Variants in UBAP2 observed in about 807,000 individuals in gnomAD.
The protein encoded by UBAP2 is ubiquitin associated protein 2.
UBAP2 carries 75 observed loss-of-function variants against 139.6 expected under a neutral mutation model. The observed-to-expected ratio is 0.54, with a 90% CI of 0.45 to 0.65. UBAP2 has a LOEUF of 0.65. UBAP2 is among the 30% of genes least tolerant of loss of function. The pLI, the probability that UBAP2 is intolerant of heterozygous loss-of-function variation, is 0.00. For synonymous variants in UBAP2, 526 were observed against 526.2 expected (o/e 1.00, Z 0.01); for missense variants, 1,368 against 1,369.6 (o/e 1.00, Z 0.02).
At chr9:34,025,094 T>TA (rs1377780314) in intron 1 of UBAP2, among the ~76,000 whole-genome samples, 1 of 152,134 alleles carries the variant, frequency 6.6e-6, no homozygotes, top group Non-Finnish European at 1.5e-5. Flanking sequence ...CACTGAACTG[T>TA]AAAAATGACT....
intron 16 of UBAP2, among the ~76,000 whole-genome samples, chr9:33,941,125 C>T (rs1825162069): frequency 6.6e-6 from 1 of 152,076 alleles, no homozygotes; most frequent in Non-Finnish European, 1.5e-5. Flanking sequence ...TAACAGAAAG[C>T]AATACAACTG....
At chr9:33,973,574 A>G (rs1045072380) in intron 6 of UBAP2, among the ~76,000 whole-genome samples, 1 of 152,274 alleles carries the variant, frequency 6.6e-6, no homozygotes, top group African/African-American at 2.4e-5. Flanking sequence ...ACTATAAATG[A>G]AATGAGAACC....
chr9:33,938,862 G>A (rs969857770), intron 16 of UBAP2: 1 of 444,072 alleles, frequency 2.3e-6, no homozygotes, highest in Non-Finnish European at 4.5e-6. Context: ...TTGTTTCAGT[G>A]CCCATCTGTC....
chr9:34,034,805 G>A (rs372621970), intron 1 of UBAP2, among the ~76,000 whole-genome samples: 2 of 151,978 alleles, frequency 1.3e-5, no homozygotes, highest in African/African-American at 4.8e-5. Context: ...CCTGGGAGGC[G>A]GAGGTTGCAG....
At chr9:34,048,623 G>A (rs1827840363) in intron 1 of UBAP2, among the ~76,000 whole-genome samples, 2 of 152,172 alleles carry the variant, frequency 1.3e-5, no homozygotes, top group South Asian at 4.1e-4. Flanking sequence ...AACGTGAGGG[G>A]AAGAGGAAGG....
intron 1 of UBAP2, among the ~76,000 whole-genome samples, chr9:34,018,324 A>G (rs190927491): frequency 4.0e-5 from 6 of 151,752 alleles, no homozygotes; most frequent in Admixed American, 3.9e-4. Context: ...TAACACTATA[A>G]TTGTTTTTTT....
intron 6 of UBAP2, among the ~76,000 whole-genome samples, chr9:33,979,868 A>C (rs1456008379): frequency 2.6e-5 from 4 of 151,704 alleles, no homozygotes; most frequent in Non-Finnish European, 4.4e-5. Flanking sequence ...CTCTGTCTCT[A>C]AATAAATAAA....
intron 1 of UBAP2, among the ~76,000 whole-genome samples, chr9:34,032,754 T>C (rs778269121): frequency 3.3e-5 from 5 of 152,006 alleles, no homozygotes; most frequent in Non-Finnish European, 7.4e-5. Context: ...CAAAACCCTA[T>C]CTTTACAAAC....
At chr9:33,923,740 C>T in intron 24 of UBAP2, 55 bp downstream of exon 24, 1 of 1,576,024 alleles carries the variant, frequency 6.3e-7, no homozygotes, top group Non-Finnish European at 8.7e-7. Flanking sequence ...CCCAGGTTTC[C>T]ACCTGCCAGC....
At chr9:33,991,170 C>T (rs1821678644) in intron 4 of UBAP2, among the ~76,000 whole-genome samples, 1 of 152,056 alleles carries the variant, frequency 6.6e-6, no homozygotes, top group African/African-American at 2.4e-5. Flanking sequence ...CCTGTAATCC[C>T]AGCTACTCAG....
chr9:34,027,262 C>A (rs1255992268), intron 1 of UBAP2, among the ~76,000 whole-genome samples: 1 of 151,018 alleles, frequency 6.6e-6, no homozygotes, highest in Non-Finnish European at 1.5e-5. Flanking sequence ...GGGAGGATTA[C>A]TTGAGGTCAG....
intron 2 of UBAP2, among the ~76,000 whole-genome samples, chr9:34,013,428 T>G (rs190422324): frequency 2.3e-4 from 35 of 150,562 alleles, no homozygotes; most frequent in Non-Finnish European, 3.1e-4. Context: ...GAGGCAGAGG[T>G]TGCAGTGAGC....
chr9:33,947,401 T>A (rs1257827275), intron 13 of UBAP2, among the ~76,000 whole-genome samples: 2 of 152,198 alleles, frequency 1.3e-5, no homozygotes, highest in African/African-American at 2.4e-5. Context: ...TGTGGGAGTT[T>A]AGTTTAGAAA....
intron 3 of UBAP2, chr9:33,997,998 A>T (rs1822340104): frequency 6.6e-6 from 1 of 152,204 alleles, no homozygotes; most frequent in Non-Finnish European, 1.5e-5. Context: ...AGCAAAGAAG[A>T]GTTAGAAATT....
At chr9:33,989,262 C>T (rs1821487873) in intron 4 of UBAP2, 136 bp from the exon 5 acceptor site, 7 of 1,007,606 alleles carry the variant, frequency 6.9e-6, no homozygotes, top group African/African-American at 1.7e-5. Flanking sequence ...GAGTGCATGG[C>T]GCCCTCTCAG....
chr9:34,024,076 AG>A lies in UBAP2; in HGVS notation c.-41-6888del, dbSNP rs560694525. Among the ~76,000 whole-genome samples, 1,283 of 151,604 alleles carry A rather than the reference AG, an allele frequency of 8.5e-3. 5 individuals are homozygous for A. The highest frequency in any genetic ancestry group is 0.013 in the Non-Finnish European group (863 of 67,850). ...AATAAAAATAAAAATAGCAAATACA[AG>A]GATGGGCGCGGTGGCACACGCCTGT... On this transcript the variant is annotated intron_variant, in intron 1 of 28. Transcript: ENST00000379238.
At position 33,963,667 on chromosome 9, in the gene UBAP2, T is replaced by C. The variant is rs116326562; in HGVS notation, c.745+59A>G. On this transcript the variant is annotated intron_variant, in intron 9 of 28. Transcript: ENST00000379238. ...GCTAGCTTTGATAAAAAATGAAAGA[T>C]ATTGCAAGCAATTTATAAGATTCTT... 2.9e-3 allele frequency: 2,930 copies of C among 1,021,826 alleles called. 21 individuals carry two copies. The highest frequency in any genetic ancestry group is 0.017 in the African/African-American group (1,060 of 61,590). 63.3% of individuals were successfully genotyped at this position (1,021,826 alleles called of 1,614,324 possible). A position where few individuals can be genotyped will look rare whatever the true frequency, so the allele number is the denominator to read the frequency against.
At chr9:33,941,403 T>C (rs1825186621) in intron 16 of UBAP2, among the ~76,000 whole-genome samples, 1 of 152,198 alleles carries the variant, frequency 6.6e-6, no homozygotes, top group South Asian at 2.1e-4. Flanking sequence ...ACAGCCAAAG[T>C]GCTCATACTA....
At chr9:34,012,469 T>TG (rs1369584211) in intron 2 of UBAP2, among the ~76,000 whole-genome samples, 1 of 150,666 alleles carries the variant, frequency 6.6e-6, no homozygotes, top group Non-Finnish European at 1.5e-5. Flanking sequence ...AGGCGGAGGT[T>TG]GCAGTGAGCT....
Sources: allele counts gnomAD v4.1 joint callset (sites outside exome capture counted in the v4.1 genomes callset), GRCh38; gene constraint gnomAD v4.1.1; transcripts MANE v1.5; gene names NCBI Gene and HGNC (gene_info 2026-07-23, HGNC 2026-07-21).